ASXL3: variants seen among roughly 807,000 people sequenced by gnomAD.
ASXL3 encodes putative Polycomb group protein ASXL3.
A neutral mutation model predicts 170.6 loss-of-function variants in ASXL3; 34 were observed. That is an observed-to-expected ratio of 0.20 (90% CI 0.15 to 0.27). ASXL3 has a LOEUF of 0.27. Among genes scored for constraint, ASXL3 ranks in the 10% least tolerant of loss-of-function variants. ASXL3 has a pLI of 1.00. For synonymous variants in ASXL3, 1,002 were observed against 989.1 expected, an observed-to-expected ratio of 1.01 and a Z score of -0.24; for missense variants, 2,592 against 2,695.3, an observed-to-expected ratio of 0.96 and a Z score of 0.85.
chr18:33,721,038 A>G (rs1233087313), intron 8 of ASXL3, among the ~76,000 whole-genome samples: 1 of 152,096 alleles, frequency 6.6e-6, no homozygotes, highest in African/African-American at 2.4e-5. Context: ...CATTGCATAC[A>G]TCCCTGAAAT....
chr18:33,706,974 T>C (rs1404598902), intron 8 of ASXL3, among the ~76,000 whole-genome samples: 2 of 151,914 alleles, frequency 1.3e-5, no homozygotes, highest in Non-Finnish European at 2.9e-5. Flanking sequence ...GCATATCCAG[T>C]TGACCAAACA....
chr18:33,712,812 G>C (rs1252287833), intron 8 of ASXL3, among the ~76,000 whole-genome samples: 1 of 152,168 alleles, frequency 6.6e-6, no homozygotes, highest in Non-Finnish European at 1.5e-5. Context: ...CCAGAAAATG[G>C]TAGCTTAGAC....
chr18:33,652,233 A>G (rs2066009843), intron 4 of ASXL3, among the ~76,000 whole-genome samples: 1 of 152,022 alleles, frequency 6.6e-6, no homozygotes, highest in South Asian at 2.1e-4. Flanking sequence ...TGAGCATAAT[A>G]CATTGATATA....
chr18:33,645,253 T>A (rs1277339894), intron 3 of ASXL3, among the ~76,000 whole-genome samples: 1 of 151,980 alleles, frequency 6.6e-6, no homozygotes, highest in Non-Finnish European at 1.5e-5. Context: ...AATTCTTGAT[T>A]CCTTAAAGTT....
chr18:33,738,460 A>C, intron 10 of ASXL3, 27 bp from the exon 11 acceptor site: 1 of 1,561,480 alleles, frequency 6.4e-7, no homozygotes, highest in South Asian at 1.2e-5. Flanking sequence ...GTGGTTGAGC[A>C]ATAATTTATT....
intron 8 of ASXL3, among the ~76,000 whole-genome samples, chr18:33,723,279 T>G (rs759227164): frequency 1.2e-4 from 19 of 152,268 alleles, no homozygotes; most frequent in Non-Finnish European, 2.5e-4. Flanking sequence ...GCAAGGTGAA[T>G]TGAAAGTCTT....
intron 8 of ASXL3, among the ~76,000 whole-genome samples, chr18:33,696,195 A>G (rs2066770660): frequency 6.6e-6 from 1 of 152,022 alleles, no homozygotes; most frequent in Non-Finnish European, 1.5e-5. Context: ...TACAACTCCT[A>G]GTAGTTATTA....
intron 8 of ASXL3, chr18:33,690,427 G>A (rs1294758317): frequency 6.6e-6 from 1 of 152,168 alleles, no homozygotes; most frequent in East Asian, 1.9e-4. Flanking sequence ...ACCTGTATAT[G>A]TGTGTGTGAA....
At chr18:33,644,820 G>A (rs2065895612) in intron 2 of ASXL3, 74 bp from the exon 3 acceptor site, 2 of 872,988 alleles carry the variant, frequency 2.3e-6, no homozygotes, top group East Asian at 2.9e-5. Context: ...GAGAGCGAGC[G>A]AGACTCAGAG....
At chr18:33,613,316 T>A (rs2065367373) in intron 2 of ASXL3, among the ~76,000 whole-genome samples, 1 of 152,096 alleles carries the variant, frequency 6.6e-6, no homozygotes. Context: ...TTACCTGGAT[T>A]ATTGCACTAT....
intron 8 of ASXL3, among the ~76,000 whole-genome samples, chr18:33,711,760 C>T (rs1012684766): frequency 6.6e-5 from 10 of 152,050 alleles, no homozygotes; most frequent in African/African-American, 2.4e-4. Flanking sequence ...CCTTGCAGAG[C>T]CAGGGCTGTA....
chr18:33,634,384 C>T (rs2065734727), intron 2 of ASXL3, among the ~76,000 whole-genome samples: 1 of 149,502 alleles, frequency 6.7e-6, no homozygotes, highest in Admixed American at 6.7e-5. Flanking sequence ...TTGATTTCCT[C>T]TTCTTTCTCC....
At chr18:33,596,172 A>T (rs1253904305) in intron 1 of ASXL3, among the ~76,000 whole-genome samples, 2 of 152,226 alleles carry the variant, frequency 1.3e-5, no homozygotes, top group African/African-American at 4.8e-5. Context: ...GGTCATTTCT[A>T]TGTAGAGTAG....
At chr18:33,624,094 G>T (rs1031107956) in intron 2 of ASXL3, among the ~76,000 whole-genome samples, 2 of 152,098 alleles carry the variant, frequency 1.3e-5, no homozygotes, top group African/African-American at 4.8e-5. Flanking sequence ...GAAGATGCAG[G>T]CTGCAGTGAG....
Position 33,646,278 on chromosome 18 carries a change from T to G in ASXL3, c.280T>G (p.Leu94Val). 6.2e-7 allele frequency: 1 copy of G among 1,611,496 alleles called. No individual in the cohort carries two copies. Among genetic ancestry groups the G allele is most frequent in the Non-Finnish European group, 8.5e-7 (1 of 1,178,176 alleles). The change falls in exon 4 of 12, where the codon TTG becomes GTG. Residue 94 changes from leucine to valine, a missense_variant. Physicochemically the swap from Leu to Val is conservative, Grantham distance 32 (BLOSUM62 1). Coordinates refer to ENST00000269197, the MANE Select transcript of ASXL3 (RefSeq NM_030632.3). ...EESSCPADGT[L>V]DLVCESELDG... ...GTCGTCATGCCCAGCAGATGGCACG[T>G]TGGATTTAGTCTGTGAATCTGAATT...
At chr18:33,624,966 C>G (rs2065577583) in intron 2 of ASXL3, among the ~76,000 whole-genome samples, 1 of 152,122 alleles carries the variant, frequency 6.6e-6, no homozygotes, top group African/African-American at 2.4e-5. Flanking sequence ...GAACAGTAAT[C>G]TGGTTTCCGA....
At chr18:33,611,562 A>G (rs999171961) in intron 2 of ASXL3, among the ~76,000 whole-genome samples, 1 of 152,096 alleles carries the variant, frequency 6.6e-6, no homozygotes, top group Admixed American at 6.6e-5. Flanking sequence ...TTGGAATCAT[A>G]TAATCAAATG....
intron 8 of ASXL3, among the ~76,000 whole-genome samples, chr18:33,686,190 T>C (rs189722679): frequency 7.9e-4 from 120 of 152,316 alleles, no homozygotes; most frequent in African/African-American, 2.7e-3. Context: ...GAAACTTTTT[T>C]TATTCAGAAA....
In ASXL3 at chr18:33,732,153, C is replaced by T. The variant is rs1021553717; in HGVS notation, c.976+89C>T. On this transcript the variant is annotated intron_variant, in intron 9 of 11. Transcript: ENST00000269197. ...CCTTTCTCTGATTTTTCAGTCTTTTCCCCGACACAGTACACTTTAATTTAG... is the reference window on the plus strand; with the variant it reads ...CCTTTCTCTGATTTTTCAGTCTTTTTCCCGACACAGTACACTTTAATTTAG... The T allele has an allele frequency of 1.7e-4, 173 of 990,864 alleles. 1 individual carries two copies. The East Asian group carries it at 4.3e-3, about 25-fold the overall frequency. The allele number at this position is 990,864 out of a possible 1,614,324, so 61.4% of individuals were successfully genotyped here. A position where few individuals can be genotyped will look rare whatever the true frequency, so the allele number is the denominator to read the frequency against.
Sources: allele counts gnomAD v4.1 joint callset (sites outside exome capture counted in the v4.1 genomes callset), GRCh38; gene constraint gnomAD v4.1.1; transcripts MANE v1.5; gene names NCBI Gene and HGNC (gene_info 2026-07-23, HGNC 2026-07-21).